The following HHLA2 variants were observed in gnomAD, a reference collection of about 807,000 sequenced individuals.
HHLA2 encodes HHLA2 member of B7 family.
A neutral mutation model predicts 45.9 loss-of-function variants in HHLA2; 48 were observed. That is an observed-to-expected ratio of 1.05 (90% CI 0.83 to 1.33). The LOEUF (loss-of-function observed/expected upper bound fraction) is 1.33, where lower values mean the gene tolerates loss of function less well. Ranked by LOEUF, HHLA2 falls within the 40% of genes most tolerant of loss-of-function variation. The probability of loss-of-function intolerance (pLI) is 0.00; values close to 1 mark genes in which losing one functional copy is unlikely to be tolerated. For missense variants in HHLA2, 462 were observed against 494.3 expected, an observed-to-expected ratio of 0.93 and a Z score of 0.62; for synonymous variants, 161 against 173.9, an observed-to-expected ratio of 0.93 and a Z score of 0.59.
chr3:108,364,014 T>A (rs985667113), intron 8 of HHLA2, among the ~76,000 whole-genome samples: 7 of 152,012 alleles, frequency 4.6e-5, no homozygotes, highest in Admixed American at 1.3e-4. Flanking sequence ...CTGGGATACA[T>A]GTGCTGAACA....
intron 2 of HHLA2, among the ~76,000 whole-genome samples, chr3:108,319,110 T>A (rs780015810): frequency 9.2e-5 from 14 of 152,146 alleles, no homozygotes; most frequent in Non-Finnish European, 1.8e-4. Context: ...TTATTTATGG[T>A]ACCTTAGGAA....
intron 8 of HHLA2, among the ~76,000 whole-genome samples, chr3:108,369,955 A>C (rs1456607892): frequency 6.6e-6 from 1 of 152,198 alleles, no homozygotes; most frequent in Non-Finnish European, 1.5e-5. Context: ...GACAGCTTTG[A>C]AGAGAGTAGT....
intron 3 of HHLA2, among the ~76,000 whole-genome samples, chr3:108,332,737 T>C (rs1456444404): frequency 6.6e-6 from 1 of 152,148 alleles, no homozygotes; most frequent in Non-Finnish European, 1.5e-5. Context: ...CAGGGAACTC[T>C]CAGGTGAGGA....
In HHLA2 at chr3:108,355,381, G is replaced by T. The variant is rs906945828; in HGVS notation, c.685G>T (p.Asp229Tyr). The change falls in exon 6 of 11, where the codon GAT becomes TAT. Residue 229 changes from aspartate (D) to tyrosine (Y), a missense_variant and splice_region_variant. By Grantham distance (160) the Asp-to-Tyr change is radical. This residue lies in a region of HHLA2 where 335 missense variants were observed against 367.4 expected (regional missense o/e 0.91). Coordinates refer to ENST00000619531, the Ensembl canonical transcript of HHLA2. ...ATGGACAGGGCGCTGGACGATGAAA[G>T]GTAGGCTCCACAGGACTTTCTGTGT... 14 of 1,611,798 alleles carry T rather than the reference G, an allele frequency of 8.7e-6. No homozygotes were observed. In the African/African-American group the frequency reaches 1.7e-4, roughly 20 times the overall value.
chr3:108,347,948 G>A (rs1408982929), intron 3 of HHLA2, among the ~76,000 whole-genome samples: 2 of 151,974 alleles, frequency 1.3e-5, no homozygotes, highest in East Asian at 1.9e-4. Flanking sequence ...TGTTTGGGGT[G>A]GGTCATAGAG....
At chr3:108,344,471 G>C (rs2081628333) in intron 3 of HHLA2, among the ~76,000 whole-genome samples, 1 of 152,106 alleles carries the variant, frequency 6.6e-6, no homozygotes, top group Non-Finnish European at 1.5e-5. Flanking sequence ...AGATAGACCA[G>C]GTTTGGTCTT....
At chr3:108,319,601 G>A (rs542234970) in intron 2 of HHLA2, among the ~76,000 whole-genome samples, 5 of 152,260 alleles carry the variant, frequency 3.3e-5, no homozygotes, top group South Asian at 2.1e-4. Context: ...TGCCAAGCTC[G>A]TTTCTTTTAG....
At chr3:108,357,809 C>A in intron 6 of HHLA2, 35 bp from the exon 6 acceptor site, 2 of 1,503,542 alleles carry the variant, frequency 1.3e-6, no homozygotes, top group South Asian at 1.3e-5. Flanking sequence ...AAATGTTTAT[C>A]TTCATTGATG....
chr3:108,332,280 T>C (rs975291633), intron 3 of HHLA2, among the ~76,000 whole-genome samples: 5 of 152,140 alleles, frequency 3.3e-5, no homozygotes, highest in African/African-American at 1.2e-4. Context: ...TGAGTTCCAA[T>C]ATTTTAGTGT....
chr3:108,324,268 A>T (rs1203098798), intron 2 of HHLA2, among the ~76,000 whole-genome samples: 2 of 152,220 alleles, frequency 1.3e-5, no homozygotes, highest in Middle Eastern at 3.2e-3. Context: ...GAAATTATTT[A>T]TGTGAATACA....
intron 8 of HHLA2, among the ~76,000 whole-genome samples, chr3:108,366,502 A>G (rs1004012587): frequency 3.9e-5 from 6 of 152,210 alleles, no homozygotes; most frequent in Non-Finnish European, 8.8e-5. Flanking sequence ...TAAAATGGTT[A>G]GGGAGGAGTC....
intron 1 of HHLA2, among the ~76,000 whole-genome samples, chr3:108,306,300 C>T (rs1342164201): frequency 6.6e-6 from 1 of 152,206 alleles, no homozygotes; most frequent in African/African-American, 2.4e-5. Context: ...GTGATTAGCA[C>T]AGTCATAATA....
intron 3 of HHLA2, among the ~76,000 whole-genome samples, 160 bp from the exon 3 acceptor site, chr3:108,351,628 C>T (rs73205937): frequency 0.074 from 11,236 of 152,196 alleles, 507 homozygotes; most frequent in African/African-American, 0.12. Flanking sequence ...AATTTTTCTC[C>T]GATAACCTAT....
At chr3:108,302,339 C>T (rs2080863492) in intron 1 of HHLA2, 1 of 152,138 alleles carries the variant, frequency 6.6e-6, no homozygotes, top group Admixed American at 6.5e-5. Flanking sequence ...CAGGGTTCAA[C>T]CTCCTACCCC....
At chr3:108,331,944 A>C (rs2081393451) in intron 3 of HHLA2, among the ~76,000 whole-genome samples, 3 of 152,164 alleles carry the variant, frequency 2.0e-5, no homozygotes, top group Admixed American at 2.0e-4. Context: ...ATAAGTGCTT[A>C]ATGACTGGTA....
rs549030213 is a variant in HHLA2, at chr3:108,306,232, T to C, written c.-191-4423T>C. Among the ~76,000 whole-genome samples the C allele has an allele frequency of 2.6e-5, 4 of 152,282 alleles. No individual in the cohort carries two copies. The South Asian group carries it at 8.3e-4, about 32-fold the overall frequency. Reference sequence around the variant, plus strand: ...CCCCCTTTATCCTTCACAGGAATTTTCCTCACTAGCATCCCTTGAACATCG... The same window carrying C: ...CCCCCTTTATCCTTCACAGGAATTTCCCTCACTAGCATCCCTTGAACATCG... On this transcript the variant is annotated intron_variant, in intron 1 of 10. Transcript: ENST00000619531.
At chr3:108,376,748 G>T in intron 10 of HHLA2, 191 bp downstream of exon 9, 1 of 496,778 alleles carries the variant, frequency 2.0e-6, no homozygotes, top group Non-Finnish European at 3.6e-6. Flanking sequence ...TAATTAAACA[G>T]GCTCTACTTG....
chr3:108,305,888 A>T (rs1183455770), intron 1 of HHLA2, among the ~76,000 whole-genome samples: 2 of 152,178 alleles, frequency 1.3e-5, no homozygotes, highest in Non-Finnish European at 2.9e-5. Flanking sequence ...CAGCCATGAA[A>T]ATGTGGGCTC....
At chr3:108,317,738 C>A (rs2081126172) in intron 2 of HHLA2, among the ~76,000 whole-genome samples, 1 of 151,904 alleles carries the variant, frequency 6.6e-6, no homozygotes, top group East Asian at 2.0e-4. Flanking sequence ...CCACAGCTGG[C>A]TAATTTTTGT....
Sources: allele counts gnomAD v4.1 joint callset (sites outside exome capture counted in the v4.1 genomes callset), GRCh38; gene constraint gnomAD v4.1.1; regional missense constraint gnomAD v4.1.1; transcripts MANE v1.5; gene names NCBI Gene and HGNC (gene_info 2026-07-23, HGNC 2026-07-21).